Variants in TRPA1 observed in about 807,000 individuals in gnomAD.
The protein encoded by TRPA1 is ankyrin-like with transmembrane domains 1.
TRPA1 carries 129 observed loss-of-function variants against 131.3 expected under a neutral mutation model. The ratio of observed to expected loss-of-function variants is 0.98; its 90% CI spans 0.85 to 1.14. The LOEUF (loss-of-function observed/expected upper bound fraction) is 1.14, where lower values mean the gene tolerates loss of function less well. Ranked by LOEUF, TRPA1 falls within the 50% of genes most tolerant of loss-of-function variation. The pLI, the probability that TRPA1 is intolerant of heterozygous loss-of-function variation, is 0.00. For synonymous variants in TRPA1, 441 were observed against 451.7 expected (o/e 0.98, Z 0.30); for missense variants, 1,304 against 1,354.2 (o/e 0.96, Z 0.58).
At chr8:72,071,385 A>G (rs992389482) in intron 2 of TRPA1, among the ~76,000 whole-genome samples, 4 of 152,184 alleles carry the variant, frequency 2.6e-5, no homozygotes, top group African/African-American at 9.7e-5. Flanking sequence ...TTATTTAATG[A>G]TGATAATTTA....
chr8:72,045,940 G>T (rs2129434548), intron 17 of TRPA1, among the ~76,000 whole-genome samples: 1 of 152,098 alleles, frequency 6.6e-6, no homozygotes, highest in South Asian at 2.1e-4. Context: ...TTCCAATGGG[G>T]TTCATTCATC....
chr8:72,060,492 AT>A (rs1805781500), intron 7 of TRPA1: 1 of 152,020 alleles, frequency 6.6e-6, no homozygotes, highest in Admixed American at 6.6e-5. Context: ...TTTTTAACTT[AT>A]TTTTTACTGA....
At chr8:72,078,708 G>A (rs1806233681), upstream of TRPA1, among the ~76,000 whole-genome samples, 1 of 151,976 alleles carries the variant, frequency 6.6e-6, no homozygotes. Context: ...AAATAATGCT[G>A]CTCTGAACAT....
Position 72,057,000 on chromosome 8 carries a change from T to C in TRPA1, c.1111A>G (p.Lys371Glu), listed in dbSNP as rs1805682415. Residue 371 changes from lysine (K) to glutamate (E), a missense_variant, in exon 10 of 27, where the codon AAA (lysine) becomes GAA (glutamate). Transcript: ENST00000262209. ...LLSKGAQVDIKDNFGRNFLHL... is the reference protein window; with the variant it reads ...LLSKGAQVDIEDNFGRNFLHL... ...AGAAAATTACGTCCAAAATTATCTTTTATGTCTACTTGGGCACCTAAAAAA... is the reference window on the plus strand; with the variant it reads ...AGAAAATTACGTCCAAAATTATCTTCTATGTCTACTTGGGCACCTAAAAAA... 8 of 1,607,138 alleles carry C rather than the reference T, an allele frequency of 5.0e-6. No individual in the cohort carries two copies. Among genetic ancestry groups the C allele is most frequent in the Non-Finnish European group, 6.8e-6 (8 of 1,176,146 alleles).
At chr8:72,055,346 T>G (rs1805634980) in intron 12 of TRPA1, 90 bp downstream of exon 12, 3 of 1,095,610 alleles carry the variant, frequency 2.7e-6, no homozygotes, top group East Asian at 2.4e-5. Flanking sequence ...GATATAAAGT[T>G]AGACCTCATA....
chr8:72,086,257 C>T, the TRPA1 span, among the ~76,000 whole-genome samples: 1 of 152,246 alleles, frequency 6.6e-6, no homozygotes, highest in South Asian at 2.1e-4. Context: ...CACACTTAAG[C>T]TTAAGATTTT....
intron 17 of TRPA1, chr8:72,041,421 C>T (rs1175359482): frequency 6.6e-6 from 1 of 151,964 alleles, no homozygotes; most frequent in African/African-American, 2.4e-5. Context: ...AGATATTCTT[C>T]TCAAGCACAC....
chr8:72,025,480 G>A (rs1050471204), intron 25 of TRPA1, among the ~76,000 whole-genome samples: 2 of 152,138 alleles, frequency 1.3e-5, no homozygotes, highest in Non-Finnish European at 2.9e-5. Context: ...CCAGTCTCGG[G>A]CAGTTCTTTA....
At chr8:72,081,971 A>G in the TRPA1 span, among the ~76,000 whole-genome samples, 200 of 151,970 alleles carry the variant, frequency 1.3e-3, 1 homozygote, top group African/African-American at 4.5e-3. Context: ...TCATTATATC[A>G]TTGACATTTA....
chr8:72,046,869 T>A (rs1016302248), intron 16 of TRPA1, among the ~76,000 whole-genome samples: 9 of 152,144 alleles, frequency 5.9e-5, no homozygotes, highest in Middle Eastern at 6.8e-3. Flanking sequence ...CAAAAGATCA[T>A]TTAGATCTTT....
At chr8:72,036,049 GAAA>G (rs374662675) in intron 21 of TRPA1, among the ~76,000 whole-genome samples, 2 of 108,770 alleles carry the variant, frequency 1.8e-5, no homozygotes, top group African/African-American at 7.0e-5. Context: ...AGAAGAAGAA[GAAA>G]AAAGAATTAT....
At chr8:72,023,959 A>C in intron 25 of TRPA1, 48 bp from the exon 26 acceptor site, 1 of 1,313,314 alleles carries the variant, frequency 7.6e-7, no homozygotes, top group Non-Finnish European at 1.1e-6. Context: ...CAATTCAGGA[A>C]CTTTTTCTTA....
rs1805485217 is a variant in TRPA1 at position 72,050,834 on chromosome 8, G to A, written c.1849C>T (p.Pro617Ser). The A allele has an allele frequency of 6.2e-7, 1 of 1,611,348 alleles. No homozygotes were observed. Among genetic ancestry groups the A allele is most frequent in the Admixed American group, 1.7e-5 (1 of 59,904 alleles). ...TCTGTAATTGGACATTTATTGCCTG[G>A]AGAATTATGACTGAAAATCTTAAGA... The part of the protein sequence containing the change: ...ECLKIFSHNS[P>S]GNKCPITEMI... The change falls in exon 15 of 27, where the codon CCA becomes TCA. Residue 617 changes from proline to serine, a missense_variant. By Grantham distance (74) the Pro-to-Ser change is moderately conservative (BLOSUM62 -1). Coordinates refer to ENST00000262209, the MANE Select transcript of TRPA1 (RefSeq NM_007332.3).
At chr8:72,065,583 C>G (rs774984244) in intron 3 of TRPA1, 25 bp from the exon 4 acceptor site, 1 of 1,598,562 alleles carries the variant, frequency 6.3e-7, no homozygotes, top group Non-Finnish European at 8.6e-7. Context: ...GAATAATTGT[C>G]AAAATTTTTG....
upstream of TRPA1, among the ~76,000 whole-genome samples, chr8:72,079,665 T>G (rs1264230347): frequency 2.6e-5 from 4 of 151,942 alleles, no homozygotes; most frequent in Admixed American, 2.0e-4. Flanking sequence ...GGTGTCAACT[T>G]GACTAGATGG....
the TRPA1 span, among the ~76,000 whole-genome samples, chr8:72,083,426 T>A: frequency 6.6e-6 from 1 of 152,108 alleles, no homozygotes; most frequent in Non-Finnish European, 1.5e-5. Flanking sequence ...AACTCCAGGT[T>A]TTGATTAATT....
In TRPA1 at chr8:72,021,325, G is replaced by C. The variant is rs1374919051; in HGVS notation, c.*1581C>G. On this transcript the variant is annotated 3_prime_UTR_variant, in exon 27 of 27. Coordinates refer to ENST00000262209, the MANE Select transcript of TRPA1 (RefSeq NM_007332.3). ...GTGTTTCTCACATTCTTGGCACTCA[G>C]TGAATGTTGACTGAGATCTATATTG... 1 of 152,164 alleles carries C rather than the reference G, an allele frequency of 6.6e-6. No homozygotes were observed. The highest frequency in any genetic ancestry group is 1.5e-5 in the Non-Finnish European group (1 of 68,028). The allele number at this position is 152,164 out of a possible 1,614,324, so 9.4% of individuals were successfully genotyped here.
chr8:72,088,548 G>A, the TRPA1 span, among the ~76,000 whole-genome samples: 1 of 152,064 alleles, frequency 6.6e-6, no homozygotes, highest in South Asian at 2.1e-4. Context: ...AGCCTGTCTT[G>A]AAATATTTGA....
intron 17 of TRPA1, among the ~76,000 whole-genome samples, chr8:72,043,189 T>C (rs1391896131): frequency 6.6e-6 from 1 of 151,886 alleles, no homozygotes; most frequent in Non-Finnish European, 1.5e-5. Context: ...ATTTCCTCAA[T>C]AGTATCATCA....
Sources: allele counts gnomAD v4.1 joint callset (sites outside exome capture counted in the v4.1 genomes callset), GRCh38; gene constraint gnomAD v4.1.1; transcripts MANE v1.5; gene names NCBI Gene and HGNC (gene_info 2026-07-23, HGNC 2026-07-21).